The following EXOC6B variants were observed in gnomAD, a reference collection of about 807,000 sequenced individuals.
EXOC6B encodes the protein SEC15 homolog B.
A neutral mutation model predicts 113.5 loss-of-function variants in EXOC6B; 54 were observed. The observed-to-expected ratio is 0.48, with a 90% CI of 0.38 to 0.60. The LOEUF is 0.60. EXOC6B is among the 20% of genes least tolerant of loss of function. The pLI is 0.00. For synonymous variants in EXOC6B, 357 were observed against 339.0 expected (o/e 1.05, Z -0.58); for missense variants, 797 against 977.5 (o/e 0.82, Z 2.46).
At chr2:72,702,317 A>G (rs1334558565) in intron 6 of EXOC6B, among the ~76,000 whole-genome samples, 104 of 146,112 alleles carry the variant, frequency 7.1e-4, no homozygotes, top group African/African-American at 1.7e-3. Context: ...AATCCAGTCT[A>G]TCATTGTTGG....
At chr2:72,660,777 A>C (rs909464221) in intron 6 of EXOC6B, among the ~76,000 whole-genome samples, 1 of 152,128 alleles carries the variant, frequency 6.6e-6, no homozygotes, top group Non-Finnish European at 1.5e-5. Flanking sequence ...TTGAGGAAGA[A>C]GACCAGAAGT....
chr2:72,784,831 A>G (rs1684276073), intron 1 of EXOC6B, among the ~76,000 whole-genome samples: 1 of 152,180 alleles, frequency 6.6e-6, no homozygotes, highest in Non-Finnish European at 1.5e-5. Context: ...CTCATATTTC[A>G]AAACCAATTA....
chr2:72,252,183 A>G (rs1334173889), intron 20 of EXOC6B, among the ~76,000 whole-genome samples: 1 of 152,218 alleles, frequency 6.6e-6, no homozygotes, highest in Non-Finnish European at 1.5e-5. Flanking sequence ...CATTGGAGCC[A>G]TAGAAGGGGT....
At chr2:72,521,181 T>C (rs935813174) in intron 8 of EXOC6B, among the ~76,000 whole-genome samples, 2 of 152,112 alleles carry the variant, frequency 1.3e-5, no homozygotes, top group African/African-American at 4.8e-5. Context: ...TCTTCTGCCA[T>C]GTGGGCAGAA....
chr2:72,651,763 T>C (rs1270429521), intron 6 of EXOC6B, among the ~76,000 whole-genome samples: 1 of 152,094 alleles, frequency 6.6e-6, no homozygotes, highest in Non-Finnish European at 1.5e-5. Context: ...GCCTGGCTAA[T>C]TTTTTGTACT....
intron 18 of EXOC6B, among the ~76,000 whole-genome samples, chr2:72,426,234 C>T (rs1695190816): frequency 6.6e-6 from 1 of 152,168 alleles, no homozygotes; most frequent in South Asian, 2.1e-4. Context: ...TTGCTCATCC[C>T]CATCTGCCAA....
chr2:72,769,879 A>T (rs942897210), intron 1 of EXOC6B, among the ~76,000 whole-genome samples: 1 of 152,126 alleles, frequency 6.6e-6, no homozygotes, highest in Non-Finnish European at 1.5e-5. Context: ...AAGAATCAAG[A>T]ATAAGCACTT....
At chr2:72,728,470 C>T (rs1390774167) in intron 5 of EXOC6B, among the ~76,000 whole-genome samples, 1 of 152,164 alleles carries the variant, frequency 6.6e-6, no homozygotes, top group African/African-American at 2.4e-5. Context: ...TACCAAATGT[C>T]CCTAATAGTA....
At chr2:72,815,444 T>C (rs1010912045) in intron 1 of EXOC6B, among the ~76,000 whole-genome samples, 5 of 151,212 alleles carry the variant, frequency 3.3e-5, no homozygotes, top group African/African-American at 9.7e-5. Flanking sequence ...TGAGCCAAGA[T>C]TGCCCACTGC....
chr2:72,312,382 G>C (rs1032950077), intron 20 of EXOC6B, among the ~76,000 whole-genome samples: 3 of 151,748 alleles, frequency 2.0e-5, no homozygotes, highest in Non-Finnish European at 2.9e-5. Context: ...TTAATTAAAA[G>C]AGTTGGGTGG....
chr2:72,771,328 G>T, intron 1 of EXOC6B, among the ~76,000 whole-genome samples: 1 of 152,014 alleles, frequency 6.6e-6, no homozygotes, highest in Non-Finnish European at 1.5e-5. Context: ...TGCCATATTT[G>T]TTTTATCATT....
At chr2:72,329,642 C>A (rs1688323526) in intron 20 of EXOC6B, among the ~76,000 whole-genome samples, 1 of 151,924 alleles carries the variant, frequency 6.6e-6, no homozygotes, top group African/African-American at 2.4e-5. Context: ...TAGACTTGGG[C>A]AATTTGATTT....
intron 8 of EXOC6B, among the ~76,000 whole-genome samples, chr2:72,543,983 C>A (rs186622999): frequency 1.3e-5 from 2 of 152,254 alleles, no homozygotes; most frequent in Admixed American, 6.5e-5. Context: ...TTCAGGAATA[C>A]TCAAGATTAC....
chr2:72,427,701 GGGGCAGAC>G (rs1413945913), intron 18 of EXOC6B, among the ~76,000 whole-genome samples: 1 of 152,154 alleles, frequency 6.6e-6, no homozygotes, highest in Non-Finnish European at 1.5e-5. Flanking sequence ...TCGGCAGCAG[GGGGCAGAC>G]GGGCACCCTG....
chr2:72,355,159 C>A (rs1311043514), intron 19 of EXOC6B, among the ~76,000 whole-genome samples: 6 of 152,086 alleles, frequency 3.9e-5, no homozygotes, highest in African/African-American at 1.2e-4. Flanking sequence ...CCAGCTCCTA[C>A]AGAGAAAACA....
chr2:72,701,605 C>T (rs1218580025), intron 6 of EXOC6B, among the ~76,000 whole-genome samples: 3 of 152,140 alleles, frequency 2.0e-5, no homozygotes, highest in Admixed American at 2.0e-4. Context: ...AATTCAGATT[C>T]ATGTCCTCAA....
At chr2:72,742,159 C>T (rs773007294) in intron 1 of EXOC6B, among the ~76,000 whole-genome samples, 58 of 152,242 alleles carry the variant, frequency 3.8e-4, no homozygotes, top group South Asian at 6.2e-4. Context: ...CCACCAGTAA[C>T]GATAAAATAA....
At chr2:72,794,109 C>A (rs1358574409) in intron 1 of EXOC6B, among the ~76,000 whole-genome samples, 1 of 152,164 alleles carries the variant, frequency 6.6e-6, no homozygotes, top group African/African-American at 2.4e-5. Flanking sequence ...TCACATTAAT[C>A]GTCATATATA....
At chr2:72,805,759 A>G (rs962291435) in intron 1 of EXOC6B, among the ~76,000 whole-genome samples, 12 of 152,284 alleles carry the variant, frequency 7.9e-5, no homozygotes, top group South Asian at 4.1e-4. Context: ...GAAACTTAAC[A>G]TACTTTGACC....
Sources: gnomAD v4.1 joint callset for allele counts (sites outside exome capture counted in the v4.1 genomes callset) on GRCh38, gnomAD v4.1.1 for gene constraint, MANE v1.5 for transcripts, NCBI Gene and HGNC (gene_info 2026-07-23, HGNC 2026-07-21) for gene names.